LRP8: variants seen among roughly 807,000 people sequenced by gnomAD.
LRP8 encodes LDL receptor related protein 8.
A neutral mutation model predicts 111.6 loss-of-function variants in LRP8; 46 were observed. That is an observed-to-expected ratio of 0.41 (90% CI 0.33 to 0.53). The LOEUF is 0.53. LRP8 is among the 20% of genes least tolerant of loss of function. The pLI is 0.20. For synonymous variants in LRP8, 464 were observed against 511.2 expected (o/e 0.91, Z 1.24); for missense variants, 959 against 1,297.4 (o/e 0.74, Z 4.01).
At chr1:53,322,212 C>T (rs571970756) in intron 2 of LRP8, among the ~76,000 whole-genome samples, 1 of 152,226 alleles carries the variant, frequency 6.6e-6, no homozygotes, top group South Asian at 2.1e-4. Flanking sequence ...AAAGGAGGGC[C>T]TAGTATCATC....
intron 2 of LRP8, among the ~76,000 whole-genome samples, chr1:53,299,117 G>A (rs894970276): frequency 2.6e-5 from 4 of 151,862 alleles, no homozygotes; most frequent in Non-Finnish European, 4.4e-5. Flanking sequence ...GAATGATTGA[G>A]TGATGACCCC....
At chr1:53,248,798 C>G (rs1204664204) in intron 18 of LRP8, among the ~76,000 whole-genome samples, 9 of 152,208 alleles carry the variant, frequency 5.9e-5, no homozygotes, top group Non-Finnish European at 1.3e-4. Context: ...ATTTCTTTCT[C>G]TGGAAATAAT....
At position 53,243,372 on chromosome 1, in the gene LRP8, G is replaced by C. The variant is rs1317433019; in HGVS notation, c.*3646C>G. 1.3e-5 allele frequency: 2 copies of C among 152,114 alleles called. No homozygotes were observed. Among genetic ancestry groups the C allele is most frequent in the African/African-American group, 4.8e-5 (2 of 41,398 alleles). 9.4% of individuals were successfully genotyped at this position (152,114 alleles called of 1,614,324 possible). On this transcript the variant is annotated 3_prime_UTR_variant, in exon 19 of 19. Coordinates refer to ENST00000306052, the MANE Select transcript of LRP8 (RefSeq NM_004631.5). ...TGAAAATCCCACTGCCCTTATATTA[G>C]TCTTCATTGACCATATAAAAAATCT...
intron 2 of LRP8, among the ~76,000 whole-genome samples, chr1:53,311,217 C>T (rs936999689): frequency 1.6e-4 from 25 of 151,916 alleles, no homozygotes; most frequent in Admixed American, 2.6e-4. Flanking sequence ...GTGAGGGGTG[C>T]GCAGGAGGAA....
intron 16 of LRP8, among the ~76,000 whole-genome samples, chr1:53,254,186 G>A (rs998198476): frequency 1.3e-5 from 2 of 152,034 alleles, no homozygotes; most frequent in African/African-American, 2.4e-5. Context: ...AGAGAGGGGT[G>A]TACAGGATAC....
At chr1:53,257,094 C>G (rs1463790493) in intron 15 of LRP8, 146 bp downstream of exon 15, 15 of 752,054 alleles carry the variant, frequency 2.0e-5, no homozygotes, top group Admixed American at 4.9e-5. Flanking sequence ...CAGGCTGGTA[C>G]TCTACCTCCC....
chr1:53,271,632 C>T (rs1443420211), intron 6 of LRP8, among the ~76,000 whole-genome samples: 1 of 152,144 alleles, frequency 6.6e-6, no homozygotes, highest in Admixed American at 6.5e-5. Context: ...CACCACCAAG[C>T]TGGAGGCAGC....
intron 2 of LRP8, among the ~76,000 whole-genome samples, chr1:53,295,522 A>AG (rs1207540623): frequency 6.6e-6 from 1 of 152,072 alleles, no homozygotes; most frequent in Non-Finnish European, 1.5e-5. Context: ...CAGCCAAAAA[A>AG]ACCCAGGGCT....
intron 4 of LRP8, 44 bp from the exon 5 acceptor site, chr1:53,277,122 G>A: frequency 7.1e-7 from 1 of 1,412,172 alleles, no homozygotes; most frequent in Non-Finnish European, 9.2e-7. Flanking sequence ...CCCCCTCCCC[G>A]GCCGACCTGG....
intron 16 of LRP8, among the ~76,000 whole-genome samples, chr1:53,252,765 A>G (rs1645938672): frequency 6.6e-6 from 1 of 152,250 alleles, no homozygotes; most frequent in South Asian, 2.1e-4. Flanking sequence ...ATAAACTCAT[A>G]TATCTAAAAC....
chr1:53,295,958 G>T (rs1470299127), intron 2 of LRP8, among the ~76,000 whole-genome samples: 1 of 152,170 alleles, frequency 6.6e-6, no homozygotes, highest in Non-Finnish European at 1.5e-5. Flanking sequence ...CCTGGTAGTT[G>T]TACTTAGCCG....
intron 3 of LRP8, among the ~76,000 whole-genome samples, chr1:53,285,307 T>A (rs1238297248): frequency 6.6e-6 from 1 of 151,826 alleles, no homozygotes; most frequent in East Asian, 1.9e-4. Context: ...CAGAGAGAGG[T>A]CACTGGAGGA....
intron 2 of LRP8, among the ~76,000 whole-genome samples, chr1:53,308,167 C>A (rs1037200691): frequency 6.6e-6 from 1 of 152,230 alleles, no homozygotes; most frequent in African/African-American, 2.4e-5. Flanking sequence ...GGCTGCACAT[C>A]CAAATCCAAA....
chr1:53,256,538 G>GA (rs2100357596), intron 15 of LRP8, among the ~76,000 whole-genome samples: 1 of 152,348 alleles, frequency 6.6e-6, no homozygotes, highest in South Asian at 2.1e-4. Flanking sequence ...CAGTTAGGAA[G>GA]ATGTTGCCAA....
chr1:53,251,218 C>T (rs1010483769), intron 16 of LRP8, among the ~76,000 whole-genome samples: 4 of 152,104 alleles, frequency 2.6e-5, no homozygotes, highest in African/African-American at 9.7e-5. Context: ...TTTAAACTCT[C>T]TACGCCCAGT....
Position 53,262,350 on chromosome 1 carries a change from C to G in LRP8, c.1774+96G>C. On this transcript the variant is annotated intron_variant, in intron 11 of 18. Transcript: ENST00000306052. This position sits in a 1 kb window ranked among gnomAD's most constrained non-coding sequence, Gnocchi z 4.8. ...CATTAGGAAACAAAGTCACTGGCAC[C>G]ATGAGAGGACCCAGAAACAAGACTC... 1 of 1,514,774 alleles carries G rather than the reference C, an allele frequency of 6.6e-7. No homozygotes were observed. Among genetic ancestry groups the G allele is most frequent in the Non-Finnish European group, 9.1e-7 (1 of 1,097,390 alleles). The allele number at this position is 1,514,774 out of a possible 1,614,324, so 93.8% of individuals were successfully genotyped here. A position where few individuals can be genotyped will look rare whatever the true frequency, so the allele number is the denominator to read the frequency against.
At chr1:53,276,656 C>A in intron 5 of LRP8, 36 bp downstream of exon 5, 1 of 1,468,924 alleles carries the variant, frequency 6.8e-7, no homozygotes. Context: ...GATCCGCAAT[C>A]CCTGGGCGGG....
At chr1:53,322,188 C>T (rs1007757917) in intron 2 of LRP8, among the ~76,000 whole-genome samples, 1 of 152,156 alleles carries the variant, frequency 6.6e-6, no homozygotes, top group Non-Finnish European at 1.5e-5. Context: ...TTAATCCTCA[C>T]ATTTAATCTC....
In LRP8 at chr1:53,264,472, C is replaced by T. The variant is rs987017815; in HGVS notation, c.1428-76G>A. 6 of 1,144,132 alleles carry T rather than the reference C, an allele frequency of 5.2e-6. No individual in the cohort carries two copies. The South Asian group carries it at 8.1e-5, about 16-fold the overall frequency. The allele number at this position is 1,144,132 out of a possible 1,614,324, so 70.9% of individuals were successfully genotyped here. A position where few individuals can be genotyped will look rare whatever the true frequency, so the allele number is the denominator to read the frequency against. On this transcript the variant is annotated intron_variant, in intron 9 of 18. Coordinates refer to ENST00000306052, the MANE Select transcript of LRP8 (RefSeq NM_004631.5). ...CATCTGGAGCTACCTGTGCACCCTT[C>T]CCCTCTCTTCCATCTGGGCCATGGC...
Sources: gnomAD v4.1 joint callset for allele counts (sites outside exome capture counted in the v4.1 genomes callset) on GRCh38, gnomAD v4.1.1 for gene constraint, Gnocchi (gnomAD v3.1) non-coding constraint, MANE v1.5 for transcripts, NCBI Gene and HGNC (gene_info 2026-07-23, HGNC 2026-07-21) for gene names.